Variants in RALYL observed in about 807,000 individuals in gnomAD.
The protein encoded by RALYL is RALY RNA binding protein like.
A neutral mutation model predicts 35.1 loss-of-function variants in RALYL; 29 were observed. The ratio of observed to expected loss-of-function variants is 0.83; its 90% CI spans 0.61 to 1.13. RALYL has a LOEUF of 1.13. RALYL is among the 50% of genes most tolerant of loss of function. The pLI is 0.00. For synonymous variants in RALYL, 120 were observed against 127.6 expected, an observed-to-expected ratio of 0.94 and a Z score of 0.40; for missense variants, 359 against 360.4, an observed-to-expected ratio of 1.00 and a Z score of 0.03.
chr8:84,888,572 C>G (rs1332214559), intron 8 of RALYL, among the ~76,000 whole-genome samples: 1 of 152,044 alleles, frequency 6.6e-6, no homozygotes, highest in Non-Finnish European at 1.5e-5. Flanking sequence ...TTTGGCTTAT[C>G]CCAGGTAAAA....
intron 3 of RALYL, among the ~76,000 whole-genome samples, chr8:84,801,462 T>G (rs1396657849): frequency 2.0e-5 from 3 of 151,920 alleles, no homozygotes; most frequent in Non-Finnish European, 4.4e-5. Flanking sequence ...CTAAGTTCAG[T>G]TTTTTTTAAT....
intron 1 of RALYL, among the ~76,000 whole-genome samples, chr8:84,467,025 TTCTC>T (rs1449934505): frequency 6.6e-6 from 1 of 152,230 alleles, no homozygotes; most frequent in East Asian, 1.9e-4. Flanking sequence ...TGTTTGATTC[TTCTC>T]TCTTTTTTTC....
intron 1 of RALYL, among the ~76,000 whole-genome samples, chr8:84,274,993 C>G (rs910936470): frequency 1.3e-5 from 2 of 152,170 alleles, no homozygotes; most frequent in African/African-American, 4.8e-5. Flanking sequence ...AGTCAAGATA[C>G]TGTGACTGAC....
intron 2 of RALYL, among the ~76,000 whole-genome samples, chr8:84,593,680 C>T (rs2130593597): frequency 6.6e-6 from 1 of 152,200 alleles, no homozygotes; most frequent in Admixed American, 6.5e-5. Flanking sequence ...TATAATTTCA[C>T]AGATTGTGTC....
intron 1 of RALYL, among the ~76,000 whole-genome samples, chr8:84,212,929 A>T (rs562830810): frequency 6.6e-5 from 10 of 152,204 alleles, no homozygotes; most frequent in Non-Finnish European, 1.0e-4. Flanking sequence ...ATACAATAAA[A>T]AGTTATCTCC....
chr8:84,853,641 A>C (rs538034167), intron 5 of RALYL, among the ~76,000 whole-genome samples: 2 of 152,246 alleles, frequency 1.3e-5, no homozygotes, highest in South Asian at 4.1e-4. Context: ...TCGTTAGTTT[A>C]TTTTCCATTT....
intron 2 of RALYL, among the ~76,000 whole-genome samples, chr8:84,686,172 A>G (rs1286421975): frequency 2.6e-5 from 4 of 152,150 alleles, no homozygotes; most frequent in Non-Finnish European, 5.9e-5. Context: ...CAAAACAGGC[A>G]TTATAGCAAA....
At chr8:84,350,809 A>G (rs1163018878) in intron 1 of RALYL, among the ~76,000 whole-genome samples, 2 of 150,262 alleles carry the variant, frequency 1.3e-5, no homozygotes, top group African/African-American at 2.5e-5. Context: ...GAGGATTTGG[A>G]GCACTATTTG....
intron 2 of RALYL, among the ~76,000 whole-genome samples, chr8:84,689,647 CA>C (rs1343571292): frequency 5.9e-5 from 9 of 152,098 alleles, no homozygotes; most frequent in Admixed American, 5.2e-4. Context: ...CCTGAGGAAT[CA>C]CCACACTGAC....
chr8:84,495,960 T>C (rs953672349), intron 1 of RALYL, among the ~76,000 whole-genome samples: 5 of 152,108 alleles, frequency 3.3e-5, no homozygotes, highest in African/African-American at 4.8e-5. Flanking sequence ...TTTTAATAAG[T>C]TGTACTTCTC....
At chr8:84,414,403 C>A (rs887242455) in intron 1 of RALYL, among the ~76,000 whole-genome samples, 3 of 152,122 alleles carry the variant, frequency 2.0e-5, no homozygotes, top group African/African-American at 7.2e-5. Context: ...AGTTTACTTG[C>A]ATCTGTGCTT....
chr8:84,316,902 T>C (rs1464444914), intron 1 of RALYL, among the ~76,000 whole-genome samples: 1 of 152,204 alleles, frequency 6.6e-6, no homozygotes, highest in Non-Finnish European at 1.5e-5. Flanking sequence ...GATCATTTGC[T>C]TAGCACTGTT....
chr8:84,679,936 G>T (rs1835039526), intron 2 of RALYL: 3 of 309,384 alleles, frequency 9.7e-6, no homozygotes, highest in Non-Finnish European at 1.9e-5. Flanking sequence ...GTGCCATGTT[G>T]GTGTGCTGCA....
intron 2 of RALYL, among the ~76,000 whole-genome samples, chr8:84,663,692 TG>T (rs1831353994): frequency 6.6e-6 from 1 of 152,124 alleles, no homozygotes; most frequent in African/African-American, 2.4e-5. Context: ...AAATTGTTTA[TG>T]TTCCTTGTAG....
chr8:84,626,244 G>A (rs992882037), intron 2 of RALYL, among the ~76,000 whole-genome samples: 7 of 152,166 alleles, frequency 4.6e-5, no homozygotes, highest in African/African-American at 1.7e-4. Context: ...CTGAGATAAA[G>A]CTGCATGTGA....
At chr8:84,867,268 G>A (rs1349786797) in intron 6 of RALYL, among the ~76,000 whole-genome samples, 1 of 152,094 alleles carries the variant, frequency 6.6e-6, no homozygotes, top group Non-Finnish European at 1.5e-5. Flanking sequence ...CAGGCCAGTT[G>A]TTCGTTTTTT....
At chr8:84,703,658 T>C (rs890982337) in intron 2 of RALYL, among the ~76,000 whole-genome samples, 1 of 152,174 alleles carries the variant, frequency 6.6e-6, no homozygotes, top group Non-Finnish European at 1.5e-5. Flanking sequence ...CTAATATCAA[T>C]GACATTTGAG....
chr8:84,264,788 T>A (rs1041679044), intron 1 of RALYL, among the ~76,000 whole-genome samples: 3 of 145,050 alleles, frequency 2.1e-5, no homozygotes, highest in Non-Finnish European at 4.7e-5. Context: ...CTGATGTTTA[T>A]ATTTATAACT....
chr8:84,426,500 A>T (rs1424498619), intron 1 of RALYL, among the ~76,000 whole-genome samples: 1 of 150,120 alleles, frequency 6.7e-6, no homozygotes, highest in Non-Finnish European at 1.5e-5. Context: ...TATAAGTGAG[A>T]TCATGCAATA....
Sources: gnomAD v4.1 joint callset for allele counts (sites outside exome capture counted in the v4.1 genomes callset) on GRCh38, gnomAD v4.1.1 for gene constraint, MANE v1.5 for transcripts, NCBI Gene and HGNC (gene_info 2026-07-23, HGNC 2026-07-21) for gene names.